The following ATF7IP variants were observed in gnomAD, a reference collection of about 807,000 sequenced individuals.
ATF7IP encodes activating transcription factor 7 interacting protein, also known as activating transcription factor 7-interacting protein 1.
Under a neutral mutation model 106.4 loss-of-function variants are expected in ATF7IP, and 23 were observed. That is an observed-to-expected ratio of 0.22 (90% CI 0.16 to 0.31). The LOEUF is 0.31. Among genes scored for constraint, ATF7IP ranks in the 10% least tolerant of loss-of-function variants. The pLI is 1.00. For synonymous variants in ATF7IP, 542 were observed against 539.0 expected, an observed-to-expected ratio of 1.01 and a Z score of -0.08; for missense variants, 1,334 against 1,524.3, an observed-to-expected ratio of 0.88 and a Z score of 2.08.
At chr12:14,425,544 A>G (rs887699818) in intron 2 of ATF7IP, 71 bp downstream of exon 2, 3 of 1,399,572 alleles carry the variant, frequency 2.1e-6, no homozygotes, top group Non-Finnish European at 2.8e-6. Context: ...ACATTATCAT[A>G]ATGTTTTAAA....
intron 6 of ATF7IP, among the ~76,000 whole-genome samples, chr12:14,452,437 T>C (rs1017000496): frequency 6.6e-6 from 1 of 152,174 alleles, no homozygotes; most frequent in Admixed American, 6.5e-5. Context: ...TTGTGTTTCA[T>C]TGCTTTTTGT....
At chr12:14,371,602 G>T (rs2136393660) in intron 1 of ATF7IP, among the ~76,000 whole-genome samples, 1 of 152,096 alleles carries the variant, frequency 6.6e-6, no homozygotes, top group African/African-American at 2.4e-5. Context: ...GTAAAGGAGG[G>T]TTATATTTCT....
At chr12:14,385,378 T>G in intron 1 of ATF7IP, 1 of 1,533,902 alleles carries the variant, frequency 6.5e-7, no homozygotes, top group Non-Finnish European at 8.7e-7. Flanking sequence ...TGAGGAGACT[T>G]GTCACATGCA....
intron 13 of ATF7IP, chr12:14,481,566 A>C (rs188468510): frequency 9.6e-5 from 40 of 415,756 alleles, no homozygotes; most frequent in Non-Finnish European, 1.4e-5. Context: ...AAGAAATGGC[A>C]GTATAACCAA....
chr12:14,424,342 G>T lies in ATF7IP; in HGVS notation c.427G>T (p.Asp143Tyr). 1 of 1,614,180 alleles carries T rather than the reference G, an allele frequency of 6.2e-7. No homozygotes were observed. Among genetic ancestry groups the T allele is most frequent in the Non-Finnish European group, 8.5e-7 (1 of 1,180,028 alleles). Residue 143 changes from aspartate to tyrosine, a missense_variant, in exon 2 of 15, where the codon GAT becomes TAT. Asp to Tyr is a radical substitution (Grantham distance 160). Coordinates refer to ENST00000261168, the MANE Select transcript of ATF7IP (RefSeq NM_018179.5). ...DPAPGDLDAGDPASGVLASGD... is the reference protein window; with the variant it reads ...DPAPGDLDAGYPASGVLASGD... ...AGCCCCTGGTGATCTGGATGCCGGA[G>T]ATCCAGCCTCCGGAGTACTGGCCTC...
At chr12:14,439,281 C>A (rs552563595) in intron 5 of ATF7IP, among the ~76,000 whole-genome samples, 2 of 152,190 alleles carry the variant, frequency 1.3e-5, no homozygotes, top group South Asian at 4.1e-4. Context: ...ATGTATAGGG[C>A]CTTATTTTGC....
intron 5 of ATF7IP, 51 bp from the exon 6 acceptor site, chr12:14,446,937 C>T (rs181206739): frequency 1.9e-5 from 24 of 1,281,826 alleles, no homozygotes; most frequent in South Asian, 1.5e-4. Context: ...TTTTTTAATG[C>T]TGTAATACTA....
rs895560496 is a variant in ATF7IP at position 14,463,079 on chromosome 12, C to T, written c.2797+1946C>T. 1.4e-4 allele frequency among the ~76,000 whole-genome samples: 22 copies of T among 151,914 alleles called. No homozygotes were observed. In the East Asian group the frequency reaches 3.5e-3, roughly 24 times the overall value. On this transcript the variant is annotated intron_variant, in intron 9 of 14. Transcript: ENST00000261168. ...ATAATTTCAGCAGTGCCATAAATGA[C>T]GTTAAAGTAGGCATTTGGCTTTTTA...
intron 5 of ATF7IP, 81 bp downstream of exon 5, chr12:14,438,348 AC>A: frequency 8.3e-7 from 1 of 1,205,026 alleles, no homozygotes; most frequent in Non-Finnish European, 1.1e-6. Context: ...TTTGAGATTA[AC>A]TATAAAATAC....
At chr12:14,370,627 T>C (rs1008109813) in intron 1 of ATF7IP, among the ~76,000 whole-genome samples, 1 of 152,158 alleles carries the variant, frequency 6.6e-6, no homozygotes, top group African/African-American at 2.4e-5. Context: ...ATTACACACT[T>C]CCTGTAGACT....
At chr12:14,439,056 T>C (rs1942566740) in intron 5 of ATF7IP, among the ~76,000 whole-genome samples, 1 of 152,220 alleles carries the variant, frequency 6.6e-6, no homozygotes, top group South Asian at 2.1e-4. Context: ...CTACTTGTCA[T>C]TTTTTATTAA....
rs541746733 is a variant in ATF7IP, at chr12:14,396,238, A to G, written c.-7-27671A>G. On this transcript the variant is annotated intron_variant, in intron 1 of 14. Coordinates refer to ENST00000261168, the MANE Select transcript of ATF7IP (RefSeq NM_018179.5). ...CTCTTTCCCTCCCTCTTTAGAAGTCAAGCAGCAGGCTCTTTCTGTAACCAA... is the reference window on the plus strand; with the variant it reads ...CTCTTTCCCTCCCTCTTTAGAAGTCGAGCAGCAGGCTCTTTCTGTAACCAA... 2.6e-5 allele frequency among the ~76,000 whole-genome samples: 4 copies of G among 151,654 alleles called. No homozygotes were observed. The East Asian group carries it at 7.8e-4, about 29-fold the overall frequency.
At chr12:14,385,158 A>T in intron 1 of ATF7IP, 1 of 453,600 alleles carries the variant, frequency 2.2e-6, no homozygotes, top group Non-Finnish European at 3.9e-6. Flanking sequence ...GTTGCAGTAT[A>T]TGCATTAGCT....
Position 14,490,190 on chromosome 12 carries a change from A to G in ATF7IP, c.3281-6041A>G, listed in dbSNP as rs574158698. Among the ~76,000 whole-genome samples, 24 of 152,332 alleles carry G rather than the reference A, an allele frequency of 1.6e-4. No individual in the cohort carries two copies. The South Asian group carries it at 4.8e-3, about 30-fold the overall frequency. ...GTTCATGAGCCCATTGGGCGATGACACGGGTGGCTGCGGATAGAGGCCGAA... is the reference window on the plus strand; with the variant it reads ...GTTCATGAGCCCATTGGGCGATGACGCGGGTGGCTGCGGATAGAGGCCGAA... On this transcript the variant is annotated intron_variant, in intron 13 of 14. Coordinates refer to ENST00000261168, the MANE Select transcript of ATF7IP (RefSeq NM_018179.5).
intron 1 of ATF7IP, among the ~76,000 whole-genome samples, chr12:14,376,076 A>G (rs773343666): frequency 2.0e-5 from 3 of 152,224 alleles, no homozygotes; most frequent in Non-Finnish European, 2.9e-5. Context: ...AAAAAACGCC[A>G]CACGATTACT....
At chr12:14,478,810 G>T (rs1383133929) in intron 12 of ATF7IP, among the ~76,000 whole-genome samples, 2 of 152,124 alleles carry the variant, frequency 1.3e-5, no homozygotes, top group Non-Finnish European at 2.9e-5. Flanking sequence ...TTATTCTGCA[G>T]TGTTAACAGG....
In ATF7IP at chr12:14,377,348, A is replaced by G. The variant is rs529899981; in HGVS notation, c.-8+11521A>G. On this transcript the variant is annotated intron_variant, in intron 1 of 14. Coordinates refer to ENST00000261168, the MANE Select transcript of ATF7IP (RefSeq NM_018179.5). ...CAGTGTGGTTACGGTTACAAATTTG[A>G]TTTATCCAATTTTTTTTTTTTTTTT... Among the ~76,000 whole-genome samples, 4 of 131,406 alleles carry G rather than the reference A, an allele frequency of 3.0e-5. No individual in the cohort carries two copies. In the South Asian group the frequency reaches 7.2e-4, roughly 24 times the overall value. 86.2% of individuals were successfully genotyped at this position (131,406 alleles called of 152,430 possible).
At chr12:14,375,526 G>C (rs73304240) in intron 1 of ATF7IP, among the ~76,000 whole-genome samples, 2 of 151,208 alleles carry the variant, frequency 1.3e-5, no homozygotes, top group Non-Finnish European at 3.0e-5. Flanking sequence ...TTTAAACATT[G>C]AAAGATAAAA....
chr12:14,429,289 C>A (rs1942012814), intron 2 of ATF7IP, among the ~76,000 whole-genome samples: 1 of 152,136 alleles, frequency 6.6e-6, no homozygotes, highest in Non-Finnish European at 1.5e-5. Flanking sequence ...AATAACAGTT[C>A]TTCCCTCTTG....
Sources: allele counts gnomAD v4.1 joint callset (sites outside exome capture counted in the v4.1 genomes callset), GRCh38; gene constraint gnomAD v4.1.1; transcripts MANE v1.5; gene names NCBI Gene and HGNC (gene_info 2026-07-23, HGNC 2026-07-21).